The following NRG3 variants were observed in gnomAD, a reference collection of about 807,000 sequenced individuals.
NRG3 encodes neuregulin 3.
NRG3 carries 31 observed loss-of-function variants against 66.9 expected under a neutral mutation model. The ratio of observed to expected loss-of-function variants is 0.46; its 90% CI spans 0.35 to 0.63. The LOEUF (loss-of-function observed/expected upper bound fraction) is 0.63. Among genes scored for constraint, NRG3 ranks in the 20% least tolerant of loss-of-function variants. NRG3 has a pLI of 0.00. For missense variants in NRG3, 910 were observed against 878.9 expected (o/e 1.04, Z -0.45); for synonymous variants, 393 against 359.4 (o/e 1.09, Z -1.06).
At chr10:82,706,889 G>A (rs1423826048) in intron 2 of NRG3, among the ~76,000 whole-genome samples, 2 of 151,766 alleles carry the variant, frequency 1.3e-5, no homozygotes, top group East Asian at 3.9e-4. Flanking sequence ...AGCTACTTGG[G>A]AGGCTGAAGC....
chr10:82,219,500 G>C (rs1370483971), intron 1 of NRG3, among the ~76,000 whole-genome samples: 4 of 151,830 alleles, frequency 2.6e-5, no homozygotes, highest in African/African-American at 7.3e-5. Context: ...TTTGTGACCT[G>C]ATTTTGTGTT....
intron 4 of NRG3, among the ~76,000 whole-genome samples, chr10:82,899,196 A>C (rs1482032158): frequency 2.0e-5 from 3 of 152,124 alleles, no homozygotes; most frequent in African/African-American, 7.2e-5. Flanking sequence ...AGGGACACTA[A>C]AAAGTACCCC....
intron 1 of NRG3, among the ~76,000 whole-genome samples, chr10:82,322,693 C>T (rs1299912818): frequency 6.6e-6 from 1 of 152,074 alleles, no homozygotes; most frequent in Non-Finnish European, 1.5e-5. Flanking sequence ...CTTTGAGAAT[C>T]TTTATGTACT....
chr10:82,270,117 C>T (rs1356745789), intron 1 of NRG3, among the ~76,000 whole-genome samples: 1 of 152,182 alleles, frequency 6.6e-6, no homozygotes, highest in East Asian at 1.9e-4. Flanking sequence ...CGTTTACTCT[C>T]TCTGCTTTCC....
chr10:82,741,841 TGACTGAAAC>T (rs1185258061), intron 3 of NRG3, among the ~76,000 whole-genome samples: 2 of 138,314 alleles, frequency 1.4e-5, no homozygotes, highest in Non-Finnish European at 3.4e-5. Context: ...TAAATTCCAC[TGACTGAAAC>T]TCAATGACCT....
intron 2 of NRG3, among the ~76,000 whole-genome samples, chr10:82,476,869 A>T (rs959803647): frequency 6.6e-6 from 1 of 152,204 alleles, no homozygotes; most frequent in Admixed American, 6.5e-5. Context: ...AATGTATATT[A>T]TACTACAATA....
At chr10:82,047,326 G>A (rs1454734385) in intron 1 of NRG3, among the ~76,000 whole-genome samples, 2 of 151,892 alleles carry the variant, frequency 1.3e-5, no homozygotes, top group Admixed American at 6.6e-5. Flanking sequence ...AAATGAAGGA[G>A]AAAATGTTAA....
At chr10:82,970,479 C>T (rs897888403) in intron 6 of NRG3, among the ~76,000 whole-genome samples, 2 of 152,122 alleles carry the variant, frequency 1.3e-5, no homozygotes, top group Non-Finnish European at 2.9e-5. Flanking sequence ...TTCCTCTATT[C>T]TGATTACCAC....
At chr10:82,922,803 A>G (rs1443708300) in intron 4 of NRG3, among the ~76,000 whole-genome samples, 3 of 152,174 alleles carry the variant, frequency 2.0e-5, no homozygotes, top group Non-Finnish European at 4.4e-5. Context: ...CAACATAGCC[A>G]AGTTGAAATT....
At chr10:82,508,066 A>C (rs1006777640) in intron 2 of NRG3, among the ~76,000 whole-genome samples, 4 of 152,218 alleles carry the variant, frequency 2.6e-5, no homozygotes, top group Non-Finnish European at 4.4e-5. Flanking sequence ...CAAAGTTTAA[A>C]TTGAGTTCCT....
intron 2 of NRG3, among the ~76,000 whole-genome samples, chr10:82,715,994 C>T (rs989027584): frequency 2.0e-5 from 3 of 152,118 alleles, no homozygotes; most frequent in African/African-American, 7.2e-5. Flanking sequence ...GACCTAATTG[C>T]CTTCCAAAGG....
intron 2 of NRG3, among the ~76,000 whole-genome samples, chr10:82,655,021 A>G (rs967966827): frequency 1.1e-4 from 16 of 151,944 alleles, no homozygotes; most frequent in African/African-American, 3.6e-4. Flanking sequence ...TTTTACTGAG[A>G]AAGTTTTATT....
rs868553717 is a variant in NRG3, at chr10:82,607,967, A to G, written c.954-130610A>G. On this transcript the variant is annotated intron_variant, in intron 2 of 8. Transcript: ENST00000372141. ...ATACTTTGCCATTATTATCTTGACAAACTTTAACCTGACAGATCAATAAGA... is the reference window on the plus strand; with the variant it reads ...ATACTTTGCCATTATTATCTTGACAGACTTTAACCTGACAGATCAATAAGA... 2.6e-5 allele frequency among the ~76,000 whole-genome samples: 4 copies of G among 152,148 alleles called. No homozygotes were observed. The East Asian group carries it at 5.8e-4, about 22-fold the overall frequency.
chr10:82,308,163 T>A (rs962331794), intron 1 of NRG3, among the ~76,000 whole-genome samples: 3 of 152,120 alleles, frequency 2.0e-5, no homozygotes, highest in African/African-American at 4.8e-5. Flanking sequence ...AGGCATTGAT[T>A]TATTGATTGA....
At chr10:82,490,700 A>T (rs1424231586) in intron 2 of NRG3, among the ~76,000 whole-genome samples, 2 of 152,104 alleles carry the variant, frequency 1.3e-5, no homozygotes, top group Non-Finnish European at 2.9e-5. Context: ...TCTAACAGAT[A>T]TTTAAGACAA....
chr10:82,805,325 T>A (rs1272206038), intron 3 of NRG3, among the ~76,000 whole-genome samples: 1 of 152,160 alleles, frequency 6.6e-6, no homozygotes, highest in East Asian at 1.9e-4. Flanking sequence ...ATCAGCTTTG[T>A]GTCTCATTTT....
At chr10:82,415,479 T>C (rs960251425) in intron 2 of NRG3, among the ~76,000 whole-genome samples, 3 of 152,178 alleles carry the variant, frequency 2.0e-5, no homozygotes, top group Non-Finnish European at 4.4e-5. Context: ...CTTGTAATTA[T>C]GCTACATAAA....
intron 1 of NRG3, among the ~76,000 whole-genome samples, chr10:82,230,677 A>G (rs1171649526): frequency 6.6e-6 from 1 of 152,166 alleles, no homozygotes; most frequent in Admixed American, 6.6e-5. Flanking sequence ...AAATATTTCT[A>G]TCTGCATTGA....
intron 1 of NRG3, among the ~76,000 whole-genome samples, chr10:81,933,013 G>A (rs1016803450): frequency 4.0e-5 from 6 of 151,088 alleles, no homozygotes; most frequent in African/African-American, 1.5e-4. Context: ...GGAGGCTGAG[G>A]CAGAGAATTG....
Sources: gnomAD v4.1 joint callset for allele counts (sites outside exome capture counted in the v4.1 genomes callset) on GRCh38, gnomAD v4.1.1 for gene constraint, MANE v1.5 for transcripts, NCBI Gene and HGNC (gene_info 2026-07-23, HGNC 2026-07-21) for gene names.